The following CEP43 variants were observed in gnomAD, a reference collection of about 807,000 sequenced individuals.
CEP43 encodes FGFR1 oncogene partner.
CEP43 carries 36 observed loss-of-function variants against 52.6 expected under a neutral mutation model. The observed-to-expected ratio is 0.68, with a 90% CI of 0.52 to 0.90. The LOEUF is 0.90. CEP43 is among the 40% of genes least tolerant of loss of function. The pLI, the probability that CEP43 is intolerant of heterozygous loss-of-function variation, is 0.00. For missense variants in CEP43, 506 were observed against 472.8 expected (o/e 1.07, Z -0.65); for synonymous variants, 192 against 172.4 (o/e 1.11, Z -0.89).
Position 167,051,791 on chromosome 6 carries a change from T to C in CEP43, c.*11813T>C, listed in dbSNP as rs1394559727. The C allele has an allele frequency of 3.3e-5, 5 of 152,378 alleles. No individual in the cohort carries two copies. Among genetic ancestry groups the C allele is most frequent in the Admixed American group, 6.5e-5 (1 of 15,306 alleles). The allele number at this position is 152,378 out of a possible 1,614,324, so 9.4% of individuals were successfully genotyped here. On this transcript the variant is annotated 3_prime_UTR_variant, in exon 13 of 13. Coordinates refer to ENST00000366847, the MANE Select transcript of CEP43 (RefSeq NM_007045.4). ...AGCATAGCTATTCTTGCTCTTACTGTGGCAATTTGTATGATACCTTTTTCT... is the reference window on the plus strand; with the variant it reads ...AGCATAGCTATTCTTGCTCTTACTGCGGCAATTTGTATGATACCTTTTTCT...
intron 12 of CEP43, among the ~76,000 whole-genome samples, chr6:167,035,906 T>C (rs1362867298): frequency 6.6e-6 from 1 of 152,208 alleles, no homozygotes; most frequent in Non-Finnish European, 1.5e-5. Flanking sequence ...CACATCTATT[T>C]TGCAAGAGAG....
intron 12 of CEP43, among the ~76,000 whole-genome samples, chr6:167,038,227 A>G (rs554400055): frequency 6.6e-6 from 1 of 152,328 alleles, no homozygotes; most frequent in South Asian, 2.1e-4. Flanking sequence ...AGAAGTAGAA[A>G]TGAGTCGTTT....
In CEP43 at chr6:167,046,091, C is replaced by CTTTACATTT. The variant is rs1780791984; in HGVS notation, c.*6115_*6123dup. On this transcript the variant is annotated 3_prime_UTR_variant, in exon 13 of 13. Transcript: ENST00000366847. ...ACTTCACGTTTCCCTCTAGTTTTCT[C>CTTTACATTT]TTTACATTTTAACATACACTATTAT... is the stretch of plus-strand genomic sequence containing the variant. 6.6e-6 allele frequency: 1 copy of CTTTACATTT among 152,164 alleles called. No homozygotes were observed. Among genetic ancestry groups the CTTTACATTT allele is most frequent in the African/African-American group, 2.4e-5 (1 of 41,426 alleles). The allele number at this position is 152,164 out of a possible 1,614,324, so 9.4% of individuals were successfully genotyped here.
intron 7 of CEP43, among the ~76,000 whole-genome samples, chr6:167,021,376 G>T (rs896164214): frequency 2.0e-5 from 3 of 152,184 alleles, no homozygotes; most frequent in Admixed American, 2.0e-4. Flanking sequence ...GTCTGTCTCT[G>T]TGTTTCCTGA....
intron 7 of CEP43, among the ~76,000 whole-genome samples, chr6:167,017,808 C>T (rs1780137168): frequency 6.6e-6 from 1 of 152,112 alleles, no homozygotes; most frequent in Non-Finnish European, 1.5e-5. Context: ...TATTATTAGT[C>T]TTGAGCTCCA....
intron 5 of CEP43, among the ~76,000 whole-genome samples, chr6:167,006,275 G>A (rs1196247646): frequency 1.3e-5 from 2 of 152,212 alleles, no homozygotes; most frequent in African/African-American, 4.8e-5. Context: ...CCAGCACTTT[G>A]GGAGGCCGAG....
intron 7 of CEP43, among the ~76,000 whole-genome samples, chr6:167,017,777 A>G (rs903077596): frequency 1.3e-5 from 2 of 152,184 alleles, no homozygotes; most frequent in East Asian, 1.9e-4. Flanking sequence ...TTATGGCTGC[A>G]CTATAATTTC....
chr6:167,003,491 T>G, intron 3 of CEP43: 1 of 515,968 alleles, frequency 1.9e-6, no homozygotes, highest in East Asian at 3.1e-5. Flanking sequence ...AGCGAAACAC[T>G]GAAATCTATG....
chr6:167,013,586 G>C lies in CEP43; in HGVS notation c.579+19G>C. Reference sequence around the variant, plus strand: ...TGACAAGGTAACATGCATGAGGGCAGAGGAGAAAAGCAGCCTGTGGGCATC... The same window carrying C: ...TGACAAGGTAACATGCATGAGGGCACAGGAGAAAAGCAGCCTGTGGGCATC... On this transcript the variant is annotated intron_variant, in intron 7 of 12. Coordinates refer to ENST00000366847, the MANE Select transcript of CEP43 (RefSeq NM_007045.4). The C allele has an allele frequency of 6.2e-7, 1 of 1,611,308 alleles. No homozygotes were observed. Among genetic ancestry groups the C allele is most frequent in the Non-Finnish European group, 8.5e-7 (1 of 1,177,574 alleles).
chr6:167,006,134 G>T (rs942662369), intron 5 of CEP43, among the ~76,000 whole-genome samples: 7 of 152,208 alleles, frequency 4.6e-5, no homozygotes, highest in African/African-American at 1.7e-4. Flanking sequence ...GAAGCAAGAT[G>T]TGTGAAGCTT....
intron 7 of CEP43, among the ~76,000 whole-genome samples, chr6:167,020,872 G>T (rs553053078): frequency 6.8e-4 from 93 of 137,168 alleles, no homozygotes; most frequent in African/African-American, 2.4e-3. Context: ...TTGCCCCACT[G>T]CACTCCAGCC....
intron 7 of CEP43, among the ~76,000 whole-genome samples, 171 bp from the exon 8 acceptor site, chr6:167,022,238 C>G (rs1780250953): frequency 6.7e-6 from 1 of 149,776 alleles, no homozygotes; most frequent in Admixed American, 6.7e-5. Flanking sequence ...CTCTGCAGTT[C>G]ACGCTGCTGA....
chr6:167,042,125 A>G lies in CEP43; in HGVS notation c.*2147A>G, dbSNP rs563989127. The stretch of plus-strand genomic sequence containing the variant: ...AACCACCGCACCTGGCCAGTACTAC[A>G]TCCATTTTATTGAATGATTTTGAAT... On this transcript the variant is annotated 3_prime_UTR_variant, in exon 13 of 13. Transcript: ENST00000366847. 3 of 1,009,044 alleles carry G rather than the reference A, an allele frequency of 3.0e-6. No individual in the cohort carries two copies. The African/African-American group carries it at 5.2e-5, about 17-fold the overall frequency. The allele number at this position is 1,009,044 out of a possible 1,614,324, so 62.5% of individuals were successfully genotyped here. A position where few individuals can be genotyped will look rare whatever the true frequency, so the allele number is the denominator to read the frequency against.
intron 5 of CEP43, among the ~76,000 whole-genome samples, chr6:167,006,706 C>A (rs1031674989): frequency 6.6e-6 from 1 of 152,110 alleles, no homozygotes; most frequent in African/African-American, 2.4e-5. Flanking sequence ...ACAGGAGAGT[C>A]CTACAACCAG....
intron 11 of CEP43, among the ~76,000 whole-genome samples, chr6:167,033,132 A>T (rs1780509329): frequency 8.8e-6 from 1 of 113,274 alleles, no homozygotes; most frequent in East Asian, 2.5e-4. Flanking sequence ...TTTTTTTGAG[A>T]CAGAGTCTCA....
rs1487722396 is a variant in CEP43, at chr6:167,052,591, G to T, written c.*12613G>T. ...TCTCGATTTTGCGGATTTCAAAATG[G>T]CTCCACGTACTCATAGTTTTCATGA... is the stretch of plus-strand genomic sequence containing the variant. On this transcript the variant is annotated 3_prime_UTR_variant, in exon 13 of 13. Transcript: ENST00000366847. 1 of 152,170 alleles carries T rather than the reference G, an allele frequency of 6.6e-6. No individual in the cohort carries two copies. Among genetic ancestry groups the T allele is most frequent in the Admixed American group, 6.5e-5 (1 of 15,278 alleles). The allele number at this position is 152,170 out of a possible 1,614,324, so 9.4% of individuals were successfully genotyped here.
Position 167,028,150 on chromosome 6 carries a change from TTC to T in CEP43, c.988+1537_988+1538del, listed in dbSNP as rs550628531. On this transcript the variant is annotated intron_variant, in intron 10 of 12. Coordinates refer to ENST00000366847, the MANE Select transcript of CEP43 (RefSeq NM_007045.4). ...TGATGGCCGCCTTGTCCCCTTTGTG[TTC>T]TGTTTTTTTCACTTTTGTGGTGTTT... 767 of 985,440 alleles carry T rather than the reference TTC, an allele frequency of 7.8e-4. 2 individuals carry two copies. The highest frequency in any genetic ancestry group is 6.3e-3 in the Middle Eastern group (12 of 1,914). 61.0% of individuals were successfully genotyped at this position (985,440 alleles called of 1,614,324 possible). A position where few individuals can be genotyped will look rare whatever the true frequency, so the allele number is the denominator to read the frequency against.
chr6:167,019,242 A>G (rs1354368764), intron 7 of CEP43, among the ~76,000 whole-genome samples: 2 of 152,116 alleles, frequency 1.3e-5, no homozygotes, highest in South Asian at 2.1e-4. Flanking sequence ...ACATGCATAC[A>G]CCTGCTGTGC....
chr6:167,021,715 TACAC>T (rs112523119), intron 7 of CEP43, among the ~76,000 whole-genome samples: 1 of 151,134 alleles, frequency 6.6e-6, no homozygotes, highest in African/African-American at 2.4e-5. Context: ...CATAGAGAAA[TACAC>T]ACACACACAC....
Sources: gnomAD v4.1 joint callset for allele counts (sites outside exome capture counted in the v4.1 genomes callset) on GRCh38, gnomAD v4.1.1 for gene constraint, MANE v1.5 for transcripts, NCBI Gene and HGNC (gene_info 2026-07-23, HGNC 2026-07-21) for gene names.